PEBP4: variants seen among roughly 807,000 people sequenced by gnomAD.
PEBP4 encodes phosphatidylethanolamine binding protein 4.
In PEBP4, 22 loss-of-function variants were observed where a neutral mutation model predicts 23.9. That is an observed-to-expected ratio of 0.92 (90% CI 0.66 to 1.31). PEBP4 has a LOEUF of 1.31. Ranked by LOEUF, PEBP4 falls within the 40% of genes most tolerant of loss-of-function variation. The probability of loss-of-function intolerance (pLI) is 0.00; values close to 1 mark genes in which losing one functional copy is unlikely to be tolerated. For missense variants in PEBP4, 324 were observed against 281.7 expected (o/e 1.15, Z -1.07); for synonymous variants, 112 against 99.3 (o/e 1.13, Z -0.76).
At chr8:22,904,218 G>A (rs938478557) in intron 3 of PEBP4, among the ~76,000 whole-genome samples, 4 of 152,196 alleles carry the variant, frequency 2.6e-5, no homozygotes, top group Non-Finnish European at 4.4e-5. Context: ...TTGTGCCTCA[G>A]TACCTGCTGA....
At chr8:22,852,246 C>A (rs542472663) in intron 3 of PEBP4, among the ~76,000 whole-genome samples, 80 of 152,298 alleles carry the variant, frequency 5.3e-4, no homozygotes, top group Non-Finnish European at 7.2e-4. Context: ...CAAACTCCTG[C>A]CCTCCACCTC....
At chr8:22,876,985 T>C (rs1237356667) in intron 3 of PEBP4, among the ~76,000 whole-genome samples, 1 of 152,228 alleles carries the variant, frequency 6.6e-6, no homozygotes, top group East Asian at 1.9e-4. Context: ...AGGACTGAAA[T>C]GTACATTTCA....
In PEBP4 at chr8:22,775,839, G is replaced by T. The variant is rs968776903; in HGVS notation, c.357+41798C>A. On this transcript the variant is annotated intron_variant, in intron 4 of 6. Transcript: ENST00000256404. This position sits in a 1 kb window ranked among gnomAD's most constrained non-coding sequence, Gnocchi z 4.8. The stretch of plus-strand genomic sequence containing the variant: ...GCTTCCGGAATCTCTGAGTGGGCAG[G>T]AAGGATTGCCCGACTCCTTGGCTCT... Among the ~76,000 whole-genome samples, 2 of 152,164 alleles carry T rather than the reference G, an allele frequency of 1.3e-5. No homozygotes were observed. The highest frequency in any genetic ancestry group is 1.3e-4 in the Admixed American group (2 of 15,280).
At chr8:22,718,114 G>T (rs190610843) in intron 6 of PEBP4, among the ~76,000 whole-genome samples, 1 of 152,250 alleles carries the variant, frequency 6.6e-6, no homozygotes, top group Non-Finnish European at 1.5e-5. Context: ...TTCGGGTAGT[G>T]GGGGGCACTT....
chr8:22,722,758 T>A (rs10102307), intron 6 of PEBP4, among the ~76,000 whole-genome samples: 55,795 of 151,332 alleles, frequency 0.37, 11,042 homozygotes, highest in African/African-American at 0.51. Context: ...GGGGCTTTCA[T>A]CTGGGAGGGC....
chr8:22,796,863 T>C (rs1417895235), intron 4 of PEBP4, among the ~76,000 whole-genome samples: 1 of 151,842 alleles, frequency 6.6e-6, no homozygotes, highest in Non-Finnish European at 1.5e-5. Flanking sequence ...ATTTGGGTGA[T>C]GGGTACACTG....
intron 3 of PEBP4, among the ~76,000 whole-genome samples, chr8:22,908,365 A>AAAACAAAC (rs752092032): frequency 8.6e-5 from 13 of 150,682 alleles, no homozygotes; most frequent in East Asian, 5.9e-4. Context: ...GGCCAAGGGG[A>AAAACAAAC]AAACAAACAA....
At chr8:22,772,807 T>G (rs1462531778) in intron 4 of PEBP4, among the ~76,000 whole-genome samples, 2 of 152,182 alleles carry the variant, frequency 1.3e-5, no homozygotes, top group African/African-American at 4.8e-5. Flanking sequence ...ATAGGAAGAT[T>G]CTGCTTCCCA....
At position 22,723,951 on chromosome 8, in the gene PEBP4, G is replaced by A. The variant is rs1328200415; in HGVS notation, c.517+892C>T. Among the ~76,000 whole-genome samples, 3 of 152,210 alleles carry A rather than the reference G, an allele frequency of 2.0e-5. No homozygotes were observed. The East Asian group carries it at 5.8e-4, about 29-fold the overall frequency. The stretch of plus-strand genomic sequence containing the variant: ...CCTAGTGGGTGGATGTTTGGTCGAG[G>A]TCACTGGGTGAGAGGAAATGGCTGA... On this transcript the variant is annotated intron_variant, in intron 6 of 6. Transcript: ENST00000256404.
rs115637810 is a variant in PEBP4 at position 22,756,605 on chromosome 8, A to G, written c.358-29385T>C. Reference sequence around the variant, plus strand: ...CTTTTCTAGATGCGTCCAGCCCCCAATCTTTGCATCCCTTCCTGCCTTAAA... The same window carrying G: ...CTTTTCTAGATGCGTCCAGCCCCCAGTCTTTGCATCCCTTCCTGCCTTAAA... On this transcript the variant is annotated intron_variant, in intron 4 of 6. Coordinates refer to ENST00000256404, the MANE Select transcript of PEBP4 (RefSeq NM_144962.3). Among the ~76,000 whole-genome samples the G allele has an allele frequency of 3.9e-3, 599 of 152,126 alleles. 7 individuals are homozygous for G. The highest frequency in any genetic ancestry group is 0.014 in the African/African-American group (563 of 41,492).
chr8:22,817,003 C>G, intron 4 of PEBP4, among the ~76,000 whole-genome samples: 1 of 152,226 alleles, frequency 6.6e-6, no homozygotes, highest in East Asian at 1.9e-4. Flanking sequence ...GCAACACAGC[C>G]TTTCCCTCCC....
Position 22,713,361 on chromosome 8 carries a change from G to A in PEBP4, c.*9C>T. The A allele has an allele frequency of 6.4e-7, 1 of 1,570,064 alleles. No homozygotes were observed. Among genetic ancestry groups the A allele is most frequent in the Non-Finnish European group, 8.6e-7 (1 of 1,158,800 alleles). Reference sequence around the variant, plus strand: ...TGTGGCCACATGCCCGGATGGCAAAGCCGGCTATCTAGCAGGCAGCTATCT... The same window carrying A: ...TGTGGCCACATGCCCGGATGGCAAAACCGGCTATCTAGCAGGCAGCTATCT... On this transcript the variant is annotated 3_prime_UTR_variant, in exon 7 of 7. Transcript: ENST00000256404.
chr8:22,840,800 G>A (rs1807311225), intron 3 of PEBP4, among the ~76,000 whole-genome samples: 1 of 152,158 alleles, frequency 6.6e-6, no homozygotes, highest in South Asian at 2.1e-4. Context: ...CTGGCTCTTA[G>A]TGTCCTCTGC....
intron 4 of PEBP4, among the ~76,000 whole-genome samples, chr8:22,733,909 G>A (rs1235600371): frequency 6.6e-6 from 1 of 151,890 alleles, no homozygotes; most frequent in Non-Finnish European, 1.5e-5. Context: ...GCTCAGAAAG[G>A]TGTCATGGAG....
At chr8:22,858,096 T>G (rs1048850100) in intron 3 of PEBP4, among the ~76,000 whole-genome samples, 3 of 152,188 alleles carry the variant, frequency 2.0e-5, no homozygotes, top group African/African-American at 7.2e-5. Context: ...GCTGCTATTA[T>G]AACTAAGGCG....
chr8:22,793,062 T>C (rs1806172701), intron 4 of PEBP4, among the ~76,000 whole-genome samples: 1 of 152,190 alleles, frequency 6.6e-6, no homozygotes, highest in African/African-American at 2.4e-5. Flanking sequence ...CCAAAGAATA[T>C]AAAAATCACT....
chr8:22,889,780 C>G (rs142888235), intron 3 of PEBP4, among the ~76,000 whole-genome samples: 57 of 152,298 alleles, frequency 3.7e-4, no homozygotes, highest in African/African-American at 1.4e-3. Context: ...CTGTCTGCCA[C>G]CAACACTGGT....
At chr8:22,900,242 G>A (rs1808685166) in intron 3 of PEBP4, among the ~76,000 whole-genome samples, 1 of 152,066 alleles carries the variant, frequency 6.6e-6, no homozygotes, top group Admixed American at 6.5e-5. Flanking sequence ...AAGGGTTGGG[G>A]AGGGGTGTGA....
chr8:22,728,631 T>A (rs534160794), intron 4 of PEBP4, among the ~76,000 whole-genome samples: 1 of 141,062 alleles, frequency 7.1e-6, no homozygotes, highest in Non-Finnish European at 1.5e-5. Context: ...GGAGTCTCGC[T>A]CTGTCATCCA....
Sources: gnomAD v4.1 joint callset for allele counts (sites outside exome capture counted in the v4.1 genomes callset) on GRCh38, gnomAD v4.1.1 for gene constraint, Gnocchi (gnomAD v3.1) non-coding constraint, MANE v1.5 for transcripts, NCBI Gene and HGNC (gene_info 2026-07-23, HGNC 2026-07-21) for gene names.